The following KCNU1 variants were observed in gnomAD, a reference collection of about 807,000 sequenced individuals.
The protein encoded by KCNU1 is potassium channel subfamily U member 1.
In KCNU1, 93 loss-of-function variants were observed where a neutral mutation model predicts 126.8. The observed-to-expected ratio is 0.73, with a 90% confidence interval of 0.62 to 0.87. The LOEUF (loss-of-function observed/expected upper bound fraction) is 0.87, where lower values mean the gene tolerates loss of function less well. KCNU1 is among the 40% of genes least tolerant of loss of function. KCNU1 has a pLI of 0.00. For missense variants in KCNU1, 1,330 were observed against 1,367.1 expected, an observed-to-expected ratio of 0.97 and a Z score of 0.43; for synonymous variants, 523 against 494.2, an observed-to-expected ratio of 1.06 and a Z score of -0.77.
At chr8:36,862,664 T>A (rs1160765331) in intron 18 of KCNU1, among the ~76,000 whole-genome samples, 1 of 152,158 alleles carries the variant, frequency 6.6e-6, no homozygotes, top group African/African-American at 2.4e-5. Flanking sequence ...CAAGGAAAAA[T>A]TCAAAGCTTT....
In KCNU1 at chr8:36,909,461, T is replaced by C. The variant is rs1158084942; in HGVS notation, c.2257T>C (p.Phe753Leu). 6.2e-7 allele frequency: 1 copy of C among 1,613,616 alleles called. No individual in the cohort carries two copies. Among genetic ancestry groups the C allele is most frequent in the South Asian group, 1.1e-5 (1 of 91,082 alleles). The change falls in exon 21 of 27, where the codon TTC becomes CTC. Residue 753 changes from phenylalanine to leucine, a missense_variant. Physicochemically the swap from Phe to Leu is conservative, Grantham distance 22 (BLOSUM62 0). Around this residue, in one of 3 missense-constraint regions of KCNU1, gnomAD observed 1,054 missense variants for 1,053.9 expected, o/e 1.00. Transcript: ENST00000399881. The stretch of plus-strand genomic sequence containing the variant: ...CAGGAAGGAGCTGAAGGACATAGTG[T>C]TCATTGGGTCTCTGGACTATCTACA... Reference protein sequence around the residue: ...YTRKELKDIVFIGSLDYLQRE... With the variant: ...YTRKELKDIVLIGSLDYLQRE...
At chr8:36,786,217 ATTACATCTATAAATATGAGT>A (rs1206422945) in intron 1 of KCNU1, among the ~76,000 whole-genome samples, 1 of 152,122 alleles carries the variant, frequency 6.6e-6, no homozygotes, top group Non-Finnish European at 1.5e-5. Context: ...TAAAACATGT[ATTACATCTATAAATATGAGT>A]TTATTATATC....
intron 22 of KCNU1, among the ~76,000 whole-genome samples, chr8:36,912,975 A>T (rs893581451): frequency 2.2e-4 from 33 of 151,078 alleles, no homozygotes; most frequent in Non-Finnish European, 3.5e-4. Flanking sequence ...AAAAAAAAAA[A>T]AAAAGCTTAT....
intron 15 of KCNU1, 103 bp from the exon 16 acceptor site, chr8:36,840,829 T>C: frequency 1.2e-6 from 1 of 844,288 alleles, no homozygotes; most frequent in Non-Finnish European, 2.0e-6. Context: ...AGTTCTTTCC[T>C]CTAAGATGTT....
At chr8:36,888,031 T>A (rs1370334289) in intron 19 of KCNU1, among the ~76,000 whole-genome samples, 1 of 152,148 alleles carries the variant, frequency 6.6e-6, no homozygotes, top group Non-Finnish European at 1.5e-5. Flanking sequence ...TTTTTCTGGG[T>A]TGCCCTTGTC....
chr8:36,788,417 C>T (rs1802788183), intron 2 of KCNU1, among the ~76,000 whole-genome samples: 1 of 152,170 alleles, frequency 6.6e-6, no homozygotes, highest in African/African-American at 2.4e-5. Context: ...CCCTGATCCT[C>T]CTTTCAGTAG....
In KCNU1 at chr8:36,809,859, T is replaced by C. The variant is rs150859500; in HGVS notation, c.732+1066T>C. On this transcript the variant is annotated intron_variant, in intron 7 of 26. Transcript: ENST00000399881. ...AATGTGGCCTACAAGCATATTACTATATTTGACCTAATTATGTTTTCACTT... is the reference window on the plus strand; with the variant it reads ...AATGTGGCCTACAAGCATATTACTACATTTGACCTAATTATGTTTTCACTT... Among the ~76,000 whole-genome samples, 380 of 152,320 alleles carry C rather than the reference T, an allele frequency of 2.5e-3. 1 individual carries two copies. Among genetic ancestry groups the C allele is most frequent in the African/African-American group, 8.5e-3 (354 of 41,558 alleles).
intron 19 of KCNU1, among the ~76,000 whole-genome samples, chr8:36,897,264 CT>C (rs1807231099): frequency 6.6e-6 from 1 of 151,982 alleles, no homozygotes; most frequent in Non-Finnish European, 1.5e-5. Context: ...CCCTCTCTCT[CT>C]CCCTCTATTG....
At chr8:36,834,893 A>T in intron 12 of KCNU1, 25 bp downstream of exon 12, 1 of 1,461,192 alleles carries the variant, frequency 6.8e-7, no homozygotes, top group East Asian at 2.3e-5. Context: ...TTTGTATGCT[A>T]TAACGATTAT....
At chr8:36,823,598 T>C (rs1286539077) in intron 10 of KCNU1, among the ~76,000 whole-genome samples, 1 of 151,924 alleles carries the variant, frequency 6.6e-6, no homozygotes, top group Non-Finnish European at 1.5e-5. Context: ...TCCTCAGTGA[T>C]TGTTTCATTT....
Position 36,861,704 on chromosome 8 carries a change from G to A in KCNU1, c.1892-2700G>A, listed in dbSNP as rs80075398. Among the ~76,000 whole-genome samples the A allele has an allele frequency of 3.3e-3, 498 of 152,060 alleles. 11 individuals carry two copies. In the East Asian group the frequency reaches 0.052, roughly 16 times the overall value. On this transcript the variant is annotated intron_variant, in intron 18 of 26. Coordinates refer to ENST00000399881, the MANE Select transcript of KCNU1 (RefSeq NM_001031836.3). ...CTATTTAGTAAATTGGAGAAGATTC[G>A]GGATAATCTGAATAATATAGGCATT...
chr8:36,918,827 G>C lies in KCNU1; in HGVS notation c.2526G>C (p.Glu842Asp). 6.3e-7 allele frequency: 1 copy of C among 1,597,246 alleles called. No individual in the cohort carries two copies. The highest frequency in any genetic ancestry group is 8.6e-7 in the Non-Finnish European group (1 of 1,164,864). The change falls in exon 23 of 27, where the codon GAG becomes GAC. Residue 842 changes from glutamate (E) to aspartate (D), a missense_variant. Transcript: ENST00000399881. ...CACCTCTTTTCTTCTTTGCAGAGGA[G>C]ACTCCAGGTTACACAAATGGACATA... ...SSDPSPSVSE[E>D]TPGYTNGHNE... is the part of the protein sequence containing the mutation.
At chr8:36,817,499 C>CAAAAAAAAAAA (rs375306964) in intron 9 of KCNU1, 151 bp from the exon 10 acceptor site, 2 of 234,700 alleles carry the variant, frequency 8.5e-6, no homozygotes, top group East Asian at 9.4e-5. Flanking sequence ...AACTCCATCT[C>CAAAAAAAAAAA]AAAAAAAAAA....
chr8:36,922,408 C>T (rs1358605275), intron 23 of KCNU1, 82 bp from the exon 24 acceptor site: 18 of 1,406,380 alleles, frequency 1.3e-5, no homozygotes, highest in Middle Eastern at 1.8e-4. Flanking sequence ...ATCAAGTGGT[C>T]GCCCCTTGGC....
intron 19 of KCNU1, among the ~76,000 whole-genome samples, chr8:36,877,345 C>T (rs1391935887): frequency 1.3e-5 from 2 of 151,554 alleles, no homozygotes; most frequent in East Asian, 1.9e-4. Context: ...TCTTGTCGCC[C>T]AGGCTAGAGT....
intron 19 of KCNU1, among the ~76,000 whole-genome samples, chr8:36,876,517 G>A (rs1806283514): frequency 6.6e-6 from 1 of 152,114 alleles, no homozygotes; most frequent in Non-Finnish European, 1.5e-5. Flanking sequence ...AGTCTTTCAA[G>A]GTCTATCTTC....
intron 19 of KCNU1, among the ~76,000 whole-genome samples, chr8:36,885,603 G>C (rs370075451): frequency 6.6e-5 from 10 of 151,868 alleles, no homozygotes; most frequent in East Asian, 5.8e-4. Context: ...GACCAGCCTG[G>C]CCAACATGGC....
At chr8:36,888,433 G>A in intron 19 of KCNU1, 1 of 407,432 alleles carries the variant, frequency 2.5e-6, no homozygotes, top group South Asian at 2.0e-5. Context: ...CTGAACTCCA[G>A]GCTTCTGCTA....
chr8:36,911,022 C>A lies in KCNU1; in HGVS notation c.2424C>A (p.Ser808Arg). 1.2e-6 allele frequency: 2 copies of A among 1,613,698 alleles called. No homozygotes were observed. Among genetic ancestry groups the A allele is most frequent in the Non-Finnish European group, 1.7e-6 (2 of 1,179,742 alleles). Residue 808 changes from serine to arginine, a missense_variant, in exon 22 of 27, where the codon AGC becomes AGA. Physicochemically the swap from Ser to Arg is moderately radical, Grantham distance 110 (BLOSUM62 -1). Around this residue, in one of 3 missense-constraint regions of KCNU1, gnomAD observed 1,054 missense variants for 1,053.9 expected, o/e 1.00. Coordinates refer to ENST00000399881, the MANE Select transcript of KCNU1 (RefSeq NM_001031836.3). ...AVLSPPPQPS[S>R]NQTLVDTEAI... Reference sequence around the variant, plus strand: ...TGTCCCCCCCACCCCAGCCATCAAGCAACCAGACTTTGGTAGACACAGAAG... The same window carrying A: ...TGTCCCCCCCACCCCAGCCATCAAGAAACCAGACTTTGGTAGACACAGAAG...
Sources: allele counts gnomAD v4.1 joint callset (sites outside exome capture counted in the v4.1 genomes callset), GRCh38; gene constraint gnomAD v4.1.1; regional missense constraint gnomAD v4.1.1; transcripts MANE v1.5; gene names NCBI Gene and HGNC (gene_info 2026-07-23, HGNC 2026-07-21).